KIAA1217: variants seen among roughly 807,000 people sequenced by gnomAD.
The protein encoded by KIAA1217 is KIAA1217.
KIAA1217 carries 88 observed loss-of-function variants against 163.9 expected under a neutral mutation model. That is an observed-to-expected ratio of 0.54 (90% CI 0.45 to 0.64). The LOEUF (loss-of-function observed/expected upper bound fraction) is 0.64. Ranked by LOEUF, KIAA1217 falls within the 30% of genes least tolerant of loss-of-function variation. KIAA1217 has a pLI of 0.00. For synonymous variants in KIAA1217, 903 were observed against 923.1 expected (o/e 0.98, Z 0.39); for missense variants, 2,372 against 2,475.0 (o/e 0.96, Z 0.88).
At chr10:24,451,209 C>T (rs1324775418) in intron 5 of KIAA1217, among the ~76,000 whole-genome samples, 1 of 152,134 alleles carries the variant, frequency 6.6e-6, no homozygotes, top group African/African-American at 2.4e-5. Context: ...AAAATGTTTC[C>T]ATAGGACAGA....
At chr10:24,345,391 C>A (rs890990047) in intron 2 of KIAA1217, among the ~76,000 whole-genome samples, 1 of 152,210 alleles carries the variant, frequency 6.6e-6, no homozygotes, top group African/African-American at 2.4e-5. Context: ...GAAATTGCAG[C>A]CTACTGCTGT....
In KIAA1217 at chr10:24,154,098, C is replaced by G. The variant is rs181803210; in HGVS notation, c.-170-65528C>G. On this transcript the variant is annotated intron_variant, in intron 2 of 18. Coordinates refer to the KIAA1217 transcript ENST00000376462. ...TCAGCCTCCCAAGTAGCTGGGACTACAGGCGCCCGCCACTACGCCCGGCTA... is the reference window on the plus strand; with the variant it reads ...TCAGCCTCCCAAGTAGCTGGGACTAGAGGCGCCCGCCACTACGCCCGGCTA... Among the ~76,000 whole-genome samples the G allele has an allele frequency of 2.0e-5, 3 of 150,720 alleles. No homozygotes were observed. The South Asian group carries it at 6.3e-4, about 32-fold the overall frequency.
At chr10:24,430,430 G>A (rs1041521867) in intron 3 of KIAA1217, among the ~76,000 whole-genome samples, 10 of 152,208 alleles carry the variant, frequency 6.6e-5, no homozygotes, top group East Asian at 1.9e-4. Context: ...ACCAAGGACC[G>A]GTTTTGTGGA....
intron 2 of KIAA1217, among the ~76,000 whole-genome samples, chr10:24,115,467 T>C (rs985082727): frequency 1.3e-5 from 2 of 152,166 alleles, no homozygotes; most frequent in African/African-American, 4.8e-5. Flanking sequence ...TGGGCTGGCA[T>C]TGGGGTAAAA....
At chr10:24,386,794 G>C (rs1284772535) in intron 3 of KIAA1217, among the ~76,000 whole-genome samples, 1 of 151,876 alleles carries the variant, frequency 6.6e-6, no homozygotes, top group Non-Finnish European at 1.5e-5. Context: ...TTTTCTGCTG[G>C]TCTCAAACAC....
At chr10:24,326,948 T>G (rs2045000391) in intron 2 of KIAA1217, among the ~76,000 whole-genome samples, 1 of 152,208 alleles carries the variant, frequency 6.6e-6, no homozygotes, top group Admixed American at 6.5e-5. Context: ...TTGTCTACAT[T>G]GAGAGTGTTT....
chr10:24,103,219 A>G (rs1475915903), intron 2 of KIAA1217, among the ~76,000 whole-genome samples: 1 of 152,210 alleles, frequency 6.6e-6, no homozygotes, highest in Admixed American at 6.5e-5. Flanking sequence ...CATACAATAA[A>G]AAAAGAAAAG....
At chr10:24,246,834 C>T (rs928223338) in intron 2 of KIAA1217, among the ~76,000 whole-genome samples, 1 of 151,836 alleles carries the variant, frequency 6.6e-6, no homozygotes, top group Non-Finnish European at 1.5e-5. Flanking sequence ...GCCAACATGG[C>T]GAAACCCGAT....
At chr10:23,725,881 T>A (rs80006663) in intron 1 of KIAA1217, among the ~76,000 whole-genome samples, 5,403 of 152,290 alleles carry the variant, frequency 0.035, 298 homozygotes, top group African/African-American at 0.12. Flanking sequence ...CTAATAGATA[T>A]GTATACCAAC....
At position 24,294,187 on chromosome 10, in the gene KIAA1217, C is replaced by CAAAAA. The variant is rs371110913; in HGVS notation, c.354+74300_354+74304dup. Among the ~76,000 whole-genome samples, 35 of 55,078 alleles carry CAAAAA rather than the reference C, an allele frequency of 6.4e-4. 5 individuals carry two copies. The highest frequency in any genetic ancestry group is 8.8e-4 in the Non-Finnish European group (30 of 34,194). 36.1% of individuals were successfully genotyped at this position (55,078 alleles called of 152,430 possible). A position where few individuals can be genotyped will look rare whatever the true frequency, so the allele number is the denominator to read the frequency against. ...TGGGTGACAGAGCGAGACTCCGTCT[C>CAAAAA]AAAAAAAAAAAAAAAAAAAAAAAAA... is the stretch of plus-strand genomic sequence containing the variant. On this transcript the variant is annotated intron_variant, in intron 2 of 20. Coordinates refer to ENST00000376454, the MANE Select transcript of KIAA1217 (RefSeq NM_019590.5).
chr10:24,279,423 A>G (rs1266857618), intron 2 of KIAA1217, among the ~76,000 whole-genome samples: 1 of 152,044 alleles, frequency 6.6e-6, no homozygotes, highest in Non-Finnish European at 1.5e-5. Flanking sequence ...TATAAAATCT[A>G]CAATATTGCT....
At chr10:24,344,439 T>A (rs946833177) in intron 2 of KIAA1217, among the ~76,000 whole-genome samples, 1 of 152,202 alleles carries the variant, frequency 6.6e-6, no homozygotes, top group African/African-American at 2.4e-5. Flanking sequence ...TTGGCAACAG[T>A]TGAGACCTAT....
At chr10:24,347,747 G>A (rs1042357325) in intron 2 of KIAA1217, among the ~76,000 whole-genome samples, 12 of 152,148 alleles carry the variant, frequency 7.9e-5, no homozygotes, top group African/African-American at 1.9e-4. Flanking sequence ...TGCCAGTTTC[G>A]TGAAGAAATG....
intron 4 of KIAA1217, among the ~76,000 whole-genome samples, chr10:24,434,369 G>C: frequency 6.6e-6 from 1 of 152,046 alleles, no homozygotes; most frequent in South Asian, 2.1e-4. Flanking sequence ...ACAGGGTCTT[G>C]CTCTGTCACC....
intron 1 of KIAA1217, among the ~76,000 whole-genome samples, chr10:23,846,101 T>C (rs542702841): frequency 6.6e-6 from 1 of 152,320 alleles, no homozygotes; most frequent in East Asian, 1.9e-4. Context: ...ATAACTGTTT[T>C]GGTACCAGTA....
At chr10:23,884,426 A>T (rs1290930184) in intron 1 of KIAA1217, among the ~76,000 whole-genome samples, 1 of 151,934 alleles carries the variant, frequency 6.6e-6, no homozygotes, top group Non-Finnish European at 1.5e-5. Context: ...GATGTTGCGG[A>T]TGTCCAGAGA....
At chr10:24,530,797 G>A (rs1437147869) in intron 14 of KIAA1217, among the ~76,000 whole-genome samples, 1 of 152,148 alleles carries the variant, frequency 6.6e-6, no homozygotes, top group Non-Finnish European at 1.5e-5. Context: ...ACTCTGGGCT[G>A]GGGCAGGAAG....
intron 2 of KIAA1217, among the ~76,000 whole-genome samples, chr10:24,263,078 C>T (rs2075878057): frequency 1.3e-5 from 2 of 152,194 alleles, no homozygotes; most frequent in Admixed American, 1.3e-4. Context: ...CCACTTTATG[C>T]TGTCTCTGAG....
intron 2 of KIAA1217, among the ~76,000 whole-genome samples, chr10:24,188,889 G>A (rs2066571668): frequency 6.6e-6 from 1 of 152,018 alleles, no homozygotes; most frequent in South Asian, 2.1e-4. Flanking sequence ...GCAGATCGCG[G>A]GGTCAGGAGA....
Sources: gnomAD v4.1 joint callset for allele counts (sites outside exome capture counted in the v4.1 genomes callset) on GRCh38, gnomAD v4.1.1 for gene constraint, MANE v1.5 for transcripts, NCBI Gene and HGNC (gene_info 2026-07-23, HGNC 2026-07-21) for gene names.